Variants in LRIF1 observed in about 807,000 individuals in gnomAD.
LRIF1 encodes the protein ligand-dependent nuclear receptor-interacting factor 1.
In LRIF1, 32 loss-of-function variants were observed where a neutral mutation model predicts 52.7. That is an observed-to-expected ratio of 0.61 (90% CI 0.46 to 0.82). The LOEUF is 0.82. Ranked by LOEUF, LRIF1 falls within the 40% of genes least tolerant of loss-of-function variation. The pLI, the probability that LRIF1 is intolerant of heterozygous loss-of-function variation, is 0.00. For missense variants in LRIF1, 887 were observed against 892.0 expected, an observed-to-expected ratio of 0.99 and a Z score of 0.07; for synonymous variants, 323 against 317.4, an observed-to-expected ratio of 1.02 and a Z score of -0.19.
the LRIF1 span, chr1:110,891,542 A>T: frequency 9.2e-6 from 11 of 1,195,830 alleles, no homozygotes; most frequent in Non-Finnish European, 1.4e-5. Flanking sequence ...TCCTCTACTG[A>T]AGAGGCTGGT....
the LRIF1 span, among the ~76,000 whole-genome samples, chr1:110,914,188 A>C: frequency 6.6e-6 from 1 of 152,140 alleles, no homozygotes; most frequent in East Asian, 1.9e-4. Flanking sequence ...AGGATCAAAA[A>C]AATGCCTAGT....
the LRIF1 span, among the ~76,000 whole-genome samples, chr1:110,878,043 G>T: frequency 6.6e-6 from 1 of 152,178 alleles, no homozygotes; most frequent in Admixed American, 6.5e-5. Flanking sequence ...GAGGCTGAAA[G>T]AACTTGGCCT....
the LRIF1 span, chr1:110,941,874 C>A: frequency 6.6e-6 from 1 of 152,012 alleles, no homozygotes; most frequent in Non-Finnish European, 1.5e-5. Flanking sequence ...AGGTAATCAG[C>A]CTTACTAGTA....
chr1:110,944,422 C>A (rs1658155460), downstream of LRIF1: 1 of 152,078 alleles, frequency 6.6e-6, no homozygotes, highest in South Asian at 2.1e-4. Context: ...TTCAAGAAAG[C>A]CTGGAAATAA....
the LRIF1 span, among the ~76,000 whole-genome samples, chr1:110,883,439 T>C: frequency 6.6e-6 from 1 of 152,004 alleles, no homozygotes. Flanking sequence ...TCTATATCGT[T>C]AGATGCTTTT....
chr1:110,903,464 T>A, the LRIF1 span, among the ~76,000 whole-genome samples: 1 of 152,102 alleles, frequency 6.6e-6, no homozygotes, highest in African/African-American at 2.4e-5. Context: ...CCGGTCAGAG[T>A]TGTAAGGTCC....
Position 110,952,150 on chromosome 1 carries a change from T to C in LRIF1, c.734A>G (p.Asn245Ser). 6.2e-7 allele frequency: 1 copy of C among 1,614,210 alleles called. No individual in the cohort carries two copies. Among genetic ancestry groups the C allele is most frequent in the Non-Finnish European group, 8.5e-7 (1 of 1,180,028 alleles). ...VNTVKNVVTKNFQNIYPKPVT... is the reference protein window; with the variant it reads ...VNTVKNVVTKSFQNIYPKPVT... Reference sequence around the variant, plus strand: ...AGGTTTTGGGTAAATGTTTTGAAAGTTCTTGGTAACTACATTTTTCACTGT... The same window carrying C: ...AGGTTTTGGGTAAATGTTTTGAAAGCTCTTGGTAACTACATTTTTCACTGT... Residue 245 changes from asparagine (N) to serine (S), a missense_variant, in exon 2 of 4, where the codon AAC becomes AGC. Transcript: ENST00000369763.
the LRIF1 span, among the ~76,000 whole-genome samples, chr1:110,918,219 A>G: frequency 2.0e-5 from 3 of 152,202 alleles, no homozygotes. Context: ...GGTGCCGAAC[A>G]TTCCCTTTGA....
chr1:110,960,691 C>T (rs1340118025), intron 1 of LRIF1, among the ~76,000 whole-genome samples: 2 of 152,072 alleles, frequency 1.3e-5, no homozygotes. Context: ...CAATATCCAC[C>T]CAGAAAACTG....
the LRIF1 span, among the ~76,000 whole-genome samples, chr1:110,913,561 T>G: frequency 0.074 from 11,256 of 152,152 alleles, 1,396 homozygotes; most frequent in African/African-American, 0.26. Flanking sequence ...TCAACATCAC[T>G]TATCATTAGA....
At chr1:110,935,369 C>T in the LRIF1 span, among the ~76,000 whole-genome samples, 40 of 152,168 alleles carry the variant, frequency 2.6e-4, no homozygotes, top group African/African-American at 5.3e-4. Context: ...CCTGAAGAAA[C>T]GGAGATATAT....
the LRIF1 span, among the ~76,000 whole-genome samples, chr1:110,896,457 C>T: frequency 2.0e-5 from 3 of 152,250 alleles, no homozygotes; most frequent in South Asian, 6.2e-4. Context: ...GTCTCTACTC[C>T]ACAGGGATCT....
At chr1:110,943,746 C>T (rs1343591020), downstream of LRIF1, 3 of 152,142 alleles carry the variant, frequency 2.0e-5, no homozygotes, top group Admixed American at 6.6e-5. Flanking sequence ...TGCCTTAGAA[C>T]CTTTAAGTTT....
chr1:110,948,777 G>T (rs1049994231), intron 3 of LRIF1, among the ~76,000 whole-genome samples: 2 of 152,114 alleles, frequency 1.3e-5, no homozygotes, highest in Non-Finnish European at 2.9e-5. Flanking sequence ...ACTAGTCTCT[G>T]ATCTAAAGTT....
the LRIF1 span, among the ~76,000 whole-genome samples, chr1:110,882,713 T>C: frequency 6.6e-6 from 1 of 152,060 alleles, no homozygotes; most frequent in African/African-American, 2.4e-5. Flanking sequence ...TATCTCTCCA[T>C]TATTTGCATC....
chr1:110,900,396 T>C, the LRIF1 span, among the ~76,000 whole-genome samples: 1 of 152,178 alleles, frequency 6.6e-6, no homozygotes, highest in South Asian at 2.1e-4. Flanking sequence ...AGATGGAGAC[T>C]TGCTTTGTCA....
At chr1:110,950,617 C>T (rs997632403) in intron 2 of LRIF1, among the ~76,000 whole-genome samples, 1 of 151,666 alleles carries the variant, frequency 6.6e-6, no homozygotes, top group Admixed American at 6.6e-5. Context: ...CTAGTAAGCA[C>T]ACAGACAGAC....
chr1:110,960,564 A>G (rs1658909981), intron 1 of LRIF1, among the ~76,000 whole-genome samples: 1 of 152,190 alleles, frequency 6.6e-6, no homozygotes, highest in South Asian at 2.1e-4. Context: ...GGCTTTCATT[A>G]TAGTACCTCT....
At chr1:110,879,320 AAGAC>A in the LRIF1 span, among the ~76,000 whole-genome samples, 1 of 152,184 alleles carries the variant, frequency 6.6e-6, no homozygotes, top group African/African-American at 2.4e-5. Flanking sequence ...GATATAGTGA[AAGAC>A]AGGTTAAGCA....
Sources: allele counts gnomAD v4.1 joint callset (sites outside exome capture counted in the v4.1 genomes callset), GRCh38; gene constraint gnomAD v4.1.1; transcripts MANE v1.5; gene names NCBI Gene and HGNC (gene_info 2026-07-23, HGNC 2026-07-21).